LIPI: variants seen among roughly 807,000 people sequenced by gnomAD.
LIPI encodes the protein lipase I.
Under a neutral mutation model 50.6 loss-of-function variants are expected in LIPI, and 59 were observed. The observed-to-expected ratio is 1.16, with a 90% CI of 0.94 to 1.45. The LOEUF is 1.45. Ranked by LOEUF, LIPI falls within the 40% of genes most tolerant of loss-of-function variation. The pLI is 0.00. For synonymous variants in LIPI, 203 were observed against 178.2 expected (o/e 1.14, Z -1.11); for missense variants, 586 against 536.3 (o/e 1.09, Z -0.92).
intron 1 of LIPI, among the ~76,000 whole-genome samples, chr21:14,200,563 G>A (rs368207451): frequency 6.6e-6 from 1 of 151,874 alleles, no homozygotes; most frequent in East Asian, 1.9e-4. Flanking sequence ...GTAGTGAAAG[G>A]TCTCTACTAG....
chr21:14,163,649 C>T (rs2018573775), intron 6 of LIPI, 126 bp from the exon 7 acceptor site: 1 of 638,906 alleles, frequency 1.6e-6, no homozygotes, highest in Admixed American at 2.7e-5. Context: ...ATTTTGATAA[C>T]TTAAAAAGCA....
At chr21:14,146,595 A>G (rs1190993279) in intron 8 of LIPI, among the ~76,000 whole-genome samples, 3 of 152,088 alleles carry the variant, frequency 2.0e-5, no homozygotes, top group Non-Finnish European at 4.4e-5. Context: ...TTGTTTTTCC[A>G]AAAGAAAAAT....
chr21:14,127,798 T>C lies in LIPI; in HGVS notation c.1295+16825A>G, dbSNP rs545617232. Among the ~76,000 whole-genome samples, 43 of 152,228 alleles carry C rather than the reference T, an allele frequency of 2.8e-4. 2 individuals are homozygous for C. The South Asian group carries it at 8.7e-3, about 31-fold the overall frequency. On this transcript the variant is annotated intron_variant, in intron 9 of 9. Transcript: ENST00000681601. ...AAGGTGTAAATATCATAACCTGAGATAGAAGATTTAAAAATGTTCCTCCTC... is the reference window on the plus strand; with the variant it reads ...AAGGTGTAAATATCATAACCTGAGACAGAAGATTTAAAAATGTTCCTCCTC...
intron 7 of LIPI, among the ~76,000 whole-genome samples, chr21:14,155,210 A>T (rs1018686447): frequency 6.6e-6 from 1 of 152,054 alleles, no homozygotes; most frequent in South Asian, 2.1e-4. Context: ...CAGATACAAA[A>T]CTCACATGAT....
chr21:14,132,336 G>A (rs1279645273), intron 9 of LIPI, among the ~76,000 whole-genome samples: 1 of 152,088 alleles, frequency 6.6e-6, no homozygotes, highest in Non-Finnish European at 1.5e-5. Flanking sequence ...CACCTATAAA[G>A]GAAGCCCCAT....
intron 7 of LIPI, among the ~76,000 whole-genome samples, chr21:14,162,108 A>G (rs2018519644): frequency 6.7e-6 from 1 of 149,864 alleles, no homozygotes; most frequent in Non-Finnish European, 1.5e-5. Flanking sequence ...TATATATATC[A>G]TATCTCTGGA....
Position 14,163,448 on chromosome 21 carries a change from A to G in LIPI, c.977T>C (p.Leu326Ser), listed in dbSNP as rs755842663. ...EGRPLRTTVFLDTSGTYPFCT... is the reference protein window; with the variant it reads ...EGRPLRTTVFSDTSGTYPFCT... ...GAATGGATATGTACCACTTGTATCCAAAAACACAGTGGTCCTAAGAGGTCT... is the reference window on the plus strand; with the variant it reads ...GAATGGATATGTACCACTTGTATCCGAAAACACAGTGGTCCTAAGAGGTCT... Residue 326 changes from leucine to serine, a missense_variant, in exon 7 of 10, where the codon TTG becomes TCG. Leu to Ser is a moderately radical substitution (Grantham distance 145, BLOSUM62 -2). Transcript: ENST00000681601. The G allele has an allele frequency of 1.3e-6, 2 of 1,549,362 alleles. No homozygotes were observed. Among genetic ancestry groups the G allele is most frequent in the African/African-American group, 2.7e-5 (2 of 73,594 alleles).
rs1270858652 is a variant in LIPI at position 14,165,355 on chromosome 21, CT to C, written c.768del (p.Val257PhefsTer8). On this transcript the variant is annotated frameshift_variant, in exon 6 of 10. Coordinates refer to ENST00000681601, the MANE Select transcript of LIPI (RefSeq NM_001302998.2). LOFTEE classifies it high-confidence loss of function. ...TCTAAAGATGCCATGAACAAGTGAACTGCTCTCTGGTGGTTGCATTTAATGA... is the reference window on the plus strand; with the variant it reads ...TCTAAAGATGCCATGAACAAGTGAACGCTCTCTGGTGGTTGCATTTAATGA... ...IQFIKCNHQR[A>X]VHLFMASLET... 1 of 1,612,348 alleles carries C rather than the reference CT, an allele frequency of 6.2e-7. No homozygotes were observed.
At chr21:14,137,963 T>G (rs1207090185) in intron 9 of LIPI, among the ~76,000 whole-genome samples, 1 of 152,044 alleles carries the variant, frequency 6.6e-6, no homozygotes, top group Non-Finnish European at 1.5e-5. Context: ...ATATTTAAAG[T>G]GCTGAAGGAA....
intron 4 of LIPI, among the ~76,000 whole-genome samples, chr21:14,179,058 C>G (rs990918672): frequency 6.6e-6 from 1 of 152,068 alleles, no homozygotes; most frequent in Admixed American, 6.6e-5. Flanking sequence ...ACAAGAATAA[C>G]AGATGAGATG....
chr21:14,139,834 C>G (rs1359184336), intron 9 of LIPI, among the ~76,000 whole-genome samples: 1 of 152,100 alleles, frequency 6.6e-6, no homozygotes, highest in Admixed American at 6.6e-5. Context: ...GAGGGAACAT[C>G]CAGTACAAAG....
Position 14,159,131 on chromosome 21 carries a change from T to C in LIPI, c.1006+4288A>G, listed in dbSNP as rs530776928. On this transcript the variant is annotated intron_variant, in intron 7 of 9. Transcript: ENST00000681601. Reference sequence around the variant, plus strand: ...AGAAGGGAAAACTTGCCCACTTTTTTTATGACGTTGTATTATTATAGTAGT... The same window carrying C: ...AGAAGGGAAAACTTGCCCACTTTTTCTATGACGTTGTATTATTATAGTAGT... Among the ~76,000 whole-genome samples, 7 of 151,622 alleles carry C rather than the reference T, an allele frequency of 4.6e-5. No homozygotes were observed. The South Asian group carries it at 1.4e-3, about 31-fold the overall frequency.
chr21:14,178,984 G>A (rs1252378715), intron 4 of LIPI, among the ~76,000 whole-genome samples: 1 of 152,118 alleles, frequency 6.6e-6, no homozygotes, highest in Non-Finnish European at 1.5e-5. Context: ...GCTTTCTGCA[G>A]ACCATAAGAA....
At chr21:14,181,654 C>T (rs532100901) in intron 4 of LIPI, 104 bp downstream of exon 4, 2 of 691,688 alleles carry the variant, frequency 2.9e-6, no homozygotes, top group African/African-American at 3.6e-5. Context: ...GATTTAAAAT[C>T]ATTTTATCCA....
At chr21:14,197,796 T>C (rs2019913478) in intron 1 of LIPI, among the ~76,000 whole-genome samples, 1 of 151,520 alleles carries the variant, frequency 6.6e-6, no homozygotes, top group Non-Finnish European at 1.5e-5. Context: ...CACAAGAAGA[T>C]CATCCCCAAG....
chr21:14,158,591 T>TA (rs2018352634), intron 7 of LIPI, among the ~76,000 whole-genome samples: 1 of 147,884 alleles, frequency 6.8e-6, no homozygotes, highest in Admixed American at 6.8e-5. Context: ...AATATATATT[T>TA]TATATATATA....
intron 4 of LIPI, among the ~76,000 whole-genome samples, chr21:14,171,743 G>A (rs961755469): frequency 6.6e-6 from 1 of 151,840 alleles, no homozygotes; most frequent in African/African-American, 2.4e-5. Flanking sequence ...TTAAACATTA[G>A]ACCTAAAACC....
intron 1 of LIPI, among the ~76,000 whole-genome samples, chr21:14,191,389 A>G (rs1175111253): frequency 6.6e-6 from 1 of 151,738 alleles, no homozygotes; most frequent in Non-Finnish European, 1.5e-5. Context: ...AAAAAAAAAA[A>G]AAAAGAAAAT....
At chr21:14,152,421 G>A (rs2018127631) in intron 8 of LIPI, 152 bp downstream of exon 8, 4 of 571,242 alleles carry the variant, frequency 7.0e-6, no homozygotes, top group South Asian at 4.6e-5. Context: ...AAAGGAATTA[G>A]AATATAACAT....
Sources: allele counts gnomAD v4.1 joint callset (sites outside exome capture counted in the v4.1 genomes callset), GRCh38; gene constraint gnomAD v4.1.1; transcripts MANE v1.5; gene names NCBI Gene and HGNC (gene_info 2026-07-23, HGNC 2026-07-21).